The following GNA11 variants were observed in gnomAD, a reference collection of about 807,000 sequenced individuals.
The protein encoded by GNA11 is G protein subunit alpha 11.
GNA11 carries 8 observed loss-of-function variants against 38.2 expected under a neutral mutation model. The observed-to-expected ratio is 0.21, with a 90% CI of 0.12 to 0.38. The LOEUF (loss-of-function observed/expected upper bound fraction) is 0.38, where lower values mean the gene tolerates loss of function less well. Among genes scored for constraint, GNA11 ranks in the 10% least tolerant of loss-of-function variants. GNA11 has a pLI of 1.00. For missense variants in GNA11, 268 were observed against 516.3 expected (o/e 0.52, Z 4.66); for synonymous variants, 211 against 221.4 (o/e 0.95, Z 0.42).
At chr19:3,105,694 G>A (rs372019639) in intron 1 of GNA11, among the ~76,000 whole-genome samples, 23 of 152,310 alleles carry the variant, frequency 1.5e-4, no homozygotes, top group South Asian at 1.0e-3. Context: ...CACTTGGTGC[G>A]TTGCCCTTGG....
At chr19:3,113,976 G>A (rs1031541580) in intron 3 of GNA11, among the ~76,000 whole-genome samples, 8 of 152,190 alleles carry the variant, frequency 5.3e-5, no homozygotes, top group South Asian at 2.1e-4. Flanking sequence ...GGTGACTTGT[G>A]TGCTGACAGG....
Position 3,121,026 on chromosome 19 carries a change from C to G in GNA11, c.927C>G (p.Ile309Met). Reference protein sequence around the residue: ...QRDAQAAREFILKMFVDLNPD... With the variant: ...QRDAQAAREFMLKMFVDLNPD... ...ACGCCCAGGCGGCGCGGGAGTTCATCCTGAAGATGTTCGTGGACCTGAACC... is the reference window on the plus strand; with the variant it reads ...ACGCCCAGGCGGCGCGGGAGTTCATGCTGAAGATGTTCGTGGACCTGAACC... The change falls in exon 7 of 7, where the codon ATC becomes ATG. Residue 309 changes from isoleucine (I) to methionine (M), a missense_variant. By Grantham distance (10) the Ile-to-Met change is conservative. Around this residue, in one of 3 missense-constraint regions of GNA11, gnomAD observed 92 missense variants for 166.7 expected, o/e 0.55. Coordinates refer to ENST00000078429, the MANE Select transcript of GNA11 (RefSeq NM_002067.5). 1 of 1,613,654 alleles carries G rather than the reference C, an allele frequency of 6.2e-7. No individual in the cohort carries two copies. Among genetic ancestry groups the G allele is most frequent in the South Asian group, 1.1e-5 (1 of 91,086 alleles).
chr19:3,111,287 T>C (rs1790946772), intron 2 of GNA11, among the ~76,000 whole-genome samples: 1 of 152,176 alleles, frequency 6.6e-6, no homozygotes, highest in South Asian at 2.1e-4. Flanking sequence ...GATTTCATTT[T>C]CTCAAAGGAA....
At chr19:3,103,929 C>T (rs989485044) in intron 1 of GNA11, among the ~76,000 whole-genome samples, 1 of 152,176 alleles carries the variant, frequency 6.6e-6, no homozygotes, top group South Asian at 2.1e-4. Flanking sequence ...TCGTGATCCG[C>T]CCACCTTGGC....
chr19:3,114,545 G>A (rs925423189), intron 3 of GNA11, among the ~76,000 whole-genome samples: 11 of 152,062 alleles, frequency 7.2e-5, no homozygotes, highest in Admixed American at 7.2e-4. Flanking sequence ...CTAATGATGC[G>A]CTTGTTTGTG....
rs1170808631 is a variant in GNA11, at chr19:3,119,988, G to T, written c.889+629G>T. On this transcript the variant is annotated intron_variant, in intron 6 of 6. Transcript: ENST00000078429. The surrounding 1 kb of genome is among the most constrained non-coding windows in gnomAD (Gnocchi z 4.6). Reference sequence around the variant, plus strand: ...GCCTGGGGATGGCGGCCAGGGGAGGGTGTTGTGTGCCCTCGTCTGTGTGGT... The same window carrying T: ...GCCTGGGGATGGCGGCCAGGGGAGGTTGTTGTGTGCCCTCGTCTGTGTGGT... Among the ~76,000 whole-genome samples, 1 of 152,050 alleles carries T rather than the reference G, an allele frequency of 6.6e-6. No homozygotes were observed. Among genetic ancestry groups the T allele is most frequent in the Non-Finnish European group, 1.5e-5 (1 of 67,982 alleles).
At chr19:3,117,186 C>T (rs551779585) in intron 4 of GNA11, 1 of 152,420 alleles carries the variant, frequency 6.6e-6, no homozygotes, top group South Asian at 2.1e-4. Context: ...CCCATGACCC[C>T]AGGATACAGC....
At chr19:3,109,802 C>T (rs920225829) in intron 1 of GNA11, among the ~76,000 whole-genome samples, 14 of 152,248 alleles carry the variant, frequency 9.2e-5, no homozygotes, top group African/African-American at 2.7e-4. Flanking sequence ...TGGAGCTGCA[C>T]AGTCCCAGCT....
chr19:3,098,253 G>A (rs1306313260), intron 1 of GNA11, among the ~76,000 whole-genome samples: 1 of 152,198 alleles, frequency 6.6e-6, no homozygotes, highest in Admixed American at 6.5e-5. Context: ...TGGCAAGCAC[G>A]TACTGCGCAC....
At chr19:3,109,233 G>A (rs985900279) in intron 1 of GNA11, among the ~76,000 whole-genome samples, 6 of 149,134 alleles carry the variant, frequency 4.0e-5, no homozygotes, top group African/African-American at 1.6e-4. Flanking sequence ...TGCCCAGGAG[G>A]TGACCAGGTG....
chr19:3,110,805 T>C lies in GNA11; in HGVS notation c.321+472T>C, dbSNP rs1326391226. ...ACTGTTTTTTTGTTTTGTTTTGTTTTGTTTTGTTTTGAAAACAGGGTCTCG... is the reference window on the plus strand; with the variant it reads ...ACTGTTTTTTTGTTTTGTTTTGTTTCGTTTTGTTTTGAAAACAGGGTCTCG... On this transcript the variant is annotated intron_variant, in intron 2 of 6. Coordinates refer to ENST00000078429, the MANE Select transcript of GNA11 (RefSeq NM_002067.5). This position sits in a 1 kb window ranked among gnomAD's most constrained non-coding sequence, Gnocchi z 5.4. Among the ~76,000 whole-genome samples the C allele has an allele frequency of 3.3e-5, 5 of 152,284 alleles. No individual in the cohort carries two copies. The East Asian group carries it at 9.6e-4, about 29-fold the overall frequency.
At chr19:3,106,729 T>C (rs757055835) in intron 1 of GNA11, among the ~76,000 whole-genome samples, 2 of 152,062 alleles carry the variant, frequency 1.3e-5, no homozygotes, top group Non-Finnish European at 2.9e-5. Flanking sequence ...TGCACGTGTG[T>C]GCTGATGTAC....
In GNA11 at chr19:3,119,907, G is replaced by T. The variant is rs899383856; in HGVS notation, c.889+548G>T. 1.3e-5 allele frequency among the ~76,000 whole-genome samples: 2 copies of T among 150,406 alleles called. No homozygotes were observed. Among genetic ancestry groups the T allele is most frequent in the East Asian group, 4.0e-4 (2 of 5,012 alleles). On this transcript the variant is annotated intron_variant, in intron 6 of 6. Transcript: ENST00000078429. This position sits in a 1 kb window ranked among gnomAD's most constrained non-coding sequence, Gnocchi z 4.6. ...CCTCCCTACGTGGCCCCTGCCCCACGGGGTGTGTCAGGGCAGCTGAGCACT... is the reference window on the plus strand; with the variant it reads ...CCTCCCTACGTGGCCCCTGCCCCACTGGGTGTGTCAGGGCAGCTGAGCACT...
At chr19:3,101,891 C>T (rs535620433) in intron 1 of GNA11, among the ~76,000 whole-genome samples, 36 of 152,192 alleles carry the variant, frequency 2.4e-4, no homozygotes, top group African/African-American at 8.2e-4. Context: ...TCCAGGAGTT[C>T]GAGACCAGCC....
At chr19:3,095,215 C>G (rs1913334629) in intron 1 of GNA11, among the ~76,000 whole-genome samples, 1 of 152,154 alleles carries the variant, frequency 6.6e-6, no homozygotes, top group Non-Finnish European at 1.5e-5. Flanking sequence ...TCTGTCCTGT[C>G]TGGATCAGGC....
At chr19:3,095,192 G>C (rs996982023) in intron 1 of GNA11, among the ~76,000 whole-genome samples, 2 of 152,114 alleles carry the variant, frequency 1.3e-5, no homozygotes, top group African/African-American at 4.8e-5. Flanking sequence ...GGACTCTCCG[G>C]TGTCAGCCTG....
Position 3,121,841 on chromosome 19 carries a change from A to C in GNA11, c.*662A>C, listed in dbSNP as rs1382540125. ...CACCCTGGGAAGTGCCTAACCTTTT[A>C]TTTTATTTTATTTTTTTGAGGAAAA... On this transcript the variant is annotated 3_prime_UTR_variant, in exon 7 of 7. Coordinates refer to ENST00000078429, the MANE Select transcript of GNA11 (RefSeq NM_002067.5). 6.4e-5 allele frequency: 14 copies of C among 218,128 alleles called. No homozygotes were observed. The highest frequency in any genetic ancestry group is 1.3e-4 in the Non-Finnish European group (14 of 108,446). 13.5% of individuals were successfully genotyped at this position (218,128 alleles called of 1,614,324 possible). A position where few individuals can be genotyped will look rare whatever the true frequency, so the allele number is the denominator to read the frequency against.
chr19:3,119,987 G>A lies in GNA11; in HGVS notation c.889+628G>A, dbSNP rs909513796. Among the ~76,000 whole-genome samples the A allele has an allele frequency of 6.6e-6, 1 of 151,926 alleles. No individual in the cohort carries two copies. Among genetic ancestry groups the A allele is most frequent in the Non-Finnish European group, 1.5e-5 (1 of 67,956 alleles). On this transcript the variant is annotated intron_variant, in intron 6 of 6. Coordinates refer to ENST00000078429, the MANE Select transcript of GNA11 (RefSeq NM_002067.5). The surrounding 1 kb of genome is among the most constrained non-coding windows in gnomAD (Gnocchi z 4.6). ...GGCCTGGGGATGGCGGCCAGGGGAGGGTGTTGTGTGCCCTCGTCTGTGTGG... is the reference window on the plus strand; with the variant it reads ...GGCCTGGGGATGGCGGCCAGGGGAGAGTGTTGTGTGCCCTCGTCTGTGTGG...
chr19:3,105,118 G>A (rs1204497617), intron 1 of GNA11, among the ~76,000 whole-genome samples: 4 of 152,016 alleles, frequency 2.6e-5, no homozygotes, highest in African/African-American at 7.2e-5. Context: ...TGTGAAGTTG[G>A]GTTTGACTCG....
Sources: allele counts gnomAD v4.1 joint callset (sites outside exome capture counted in the v4.1 genomes callset), GRCh38; gene constraint gnomAD v4.1.1; regional missense constraint gnomAD v4.1.1; non-coding constraint Gnocchi (gnomAD v3.1); transcripts MANE v1.5; gene names NCBI Gene and HGNC (gene_info 2026-07-23, HGNC 2026-07-21).